The following UNC5D variants were observed in gnomAD, a reference collection of about 807,000 sequenced individuals.
The protein encoded by UNC5D is netrin receptor UNC5D.
A neutral mutation model predicts 105.4 loss-of-function variants in UNC5D; 39 were observed. The ratio of observed to expected loss-of-function variants is 0.37; its 90% CI spans 0.29 to 0.48. The LOEUF (loss-of-function observed/expected upper bound fraction) is 0.48, where lower values mean the gene tolerates loss of function less well. Ranked by LOEUF, UNC5D falls within the 20% of genes least tolerant of loss-of-function variation. The probability of loss-of-function intolerance (pLI) is 0.98; values close to 1 mark genes in which losing one functional copy is unlikely to be tolerated. For missense variants in UNC5D, 991 were observed against 1,202.4 expected (o/e 0.82, Z 2.60); for synonymous variants, 452 against 450.4 (o/e 1.00, Z -0.04).
intron 1 of UNC5D, among the ~76,000 whole-genome samples, chr8:35,527,758 G>T (rs760463961): frequency 4.6e-5 from 7 of 151,984 alleles, no homozygotes; most frequent in Non-Finnish European, 7.4e-5. Flanking sequence ...GGCCAGACTG[G>T]TCTCAAACTC....
At chr8:35,605,029 C>T (rs1372521878) in intron 4 of UNC5D, among the ~76,000 whole-genome samples, 6 of 152,122 alleles carry the variant, frequency 3.9e-5, no homozygotes. Context: ...CTTCTGAGGC[C>T]TTCCTCTCTC....
intron 16 of UNC5D, 48 bp downstream of exon 16, chr8:35,774,525 A>T: frequency 6.2e-7 from 1 of 1,601,718 alleles, no homozygotes; most frequent in South Asian, 1.1e-5. Context: ...GAGAACTTGG[A>T]AACATAAAGT....
At position 35,731,053 on chromosome 8, in the gene UNC5D, A is replaced by G; in HGVS notation, c.1723A>G (p.Asn575Asp). Reference sequence around the variant, plus strand: ...ACCACACGGTGCCATCCCAGAGGAGAATTCTTGGGAGATTTATATGTCCAT... The same window carrying G: ...ACCACACGGTGCCATCCCAGAGGAGGATTCTTGGGAGATTTATATGTCCAT... ...LIPHGAIPEE[N>D]SWEIYMSINQ... Residue 575 changes from asparagine to aspartate, a missense_variant, in exon 11 of 17, where the codon AAT (asparagine) becomes GAT (aspartate). Asn to Asp is a conservative substitution (Grantham distance 23, BLOSUM62 1). Coordinates refer to ENST00000404895, the MANE Select transcript of UNC5D (RefSeq NM_080872.4). 1 of 1,613,880 alleles carries G rather than the reference A, an allele frequency of 6.2e-7. No homozygotes were observed. Among genetic ancestry groups the G allele is most frequent in the Non-Finnish European group, 8.5e-7 (1 of 1,179,872 alleles).
intron 15 of UNC5D, among the ~76,000 whole-genome samples, chr8:35,767,307 G>T (rs1801818413): frequency 6.6e-6 from 1 of 152,162 alleles, no homozygotes; most frequent in Non-Finnish European, 1.5e-5. Flanking sequence ...CACCTCTGGG[G>T]AAGGAACTGG....
intron 1 of UNC5D, among the ~76,000 whole-genome samples, chr8:35,545,097 C>T (rs958309212): frequency 2.0e-5 from 3 of 152,062 alleles, no homozygotes; most frequent in Non-Finnish European, 2.9e-5. Flanking sequence ...ATTTGTCCTA[C>T]CAGAATTTAA....
chr8:35,606,669 G>C (rs1463803211), intron 4 of UNC5D, among the ~76,000 whole-genome samples: 1 of 152,042 alleles, frequency 6.6e-6, no homozygotes, highest in Admixed American at 6.6e-5. Flanking sequence ...CACCCCCACT[G>C]CTTGTTGAAG....
intron 1 of UNC5D, among the ~76,000 whole-genome samples, chr8:35,470,397 G>C (rs1196136135): frequency 6.6e-6 from 1 of 151,982 alleles, no homozygotes; most frequent in Non-Finnish European, 1.5e-5. Context: ...ATTGGCCATG[G>C]ATCCTGATAT....
chr8:35,356,739 G>T (rs1025597233), intron 1 of UNC5D, among the ~76,000 whole-genome samples: 2 of 151,188 alleles, frequency 1.3e-5, no homozygotes, highest in Non-Finnish European at 1.5e-5. Flanking sequence ...GACTATTTTT[G>T]CACTTTCAGG....
At chr8:35,386,333 A>T (rs1803395375) in intron 1 of UNC5D, among the ~76,000 whole-genome samples, 1 of 152,226 alleles carries the variant, frequency 6.6e-6, no homozygotes, top group Admixed American at 6.5e-5. Flanking sequence ...CTTTCTATAG[A>T]CATGTACACA....
intron 4 of UNC5D, among the ~76,000 whole-genome samples, chr8:35,639,039 T>A (rs144024652): frequency 7.2e-5 from 11 of 152,312 alleles, no homozygotes; most frequent in Non-Finnish European, 1.6e-4. Context: ...GTTAAGTATA[T>A]CTTTCCCACA....
chr8:35,425,309 G>A (rs1245921713), intron 1 of UNC5D, among the ~76,000 whole-genome samples: 2 of 152,176 alleles, frequency 1.3e-5, no homozygotes, highest in Non-Finnish European at 2.9e-5. Flanking sequence ...ACTTGGCGTA[G>A]AAACCAAGTC....
At chr8:35,350,146 C>T (rs1158285882) in intron 1 of UNC5D, among the ~76,000 whole-genome samples, 1 of 151,924 alleles carries the variant, frequency 6.6e-6, no homozygotes, top group African/African-American at 2.4e-5. Flanking sequence ...GAATAATTGC[C>T]TTCAAAGCTT....
intron 2 of UNC5D, among the ~76,000 whole-genome samples, chr8:35,549,780 G>A (rs1032796605): frequency 1.3e-5 from 2 of 152,050 alleles, no homozygotes; most frequent in African/African-American, 4.8e-5. Flanking sequence ...TATTATCACT[G>A]GAAATAAACC....
intron 4 of UNC5D, among the ~76,000 whole-genome samples, chr8:35,615,273 T>C (rs1215307876): frequency 1.3e-5 from 2 of 152,110 alleles, no homozygotes; most frequent in Non-Finnish European, 2.9e-5. Context: ...CCTCTTTTCT[T>C]TGTGCCTGTC....
intron 1 of UNC5D, among the ~76,000 whole-genome samples, chr8:35,366,305 C>T (rs965668767): frequency 6.6e-6 from 1 of 151,978 alleles, no homozygotes; most frequent in Non-Finnish European, 1.5e-5. Context: ...TCCATGTGCC[C>T]CAGTATCCCA....
chr8:35,393,417 G>A (rs1258969104), intron 1 of UNC5D, among the ~76,000 whole-genome samples: 2 of 151,906 alleles, frequency 1.3e-5, no homozygotes, highest in Admixed American at 1.3e-4. Flanking sequence ...ACAGGCATGA[G>A]CCACCGCGCC....
intron 1 of UNC5D, among the ~76,000 whole-genome samples, chr8:35,460,655 A>G (rs999306883): frequency 2.0e-5 from 3 of 152,244 alleles, no homozygotes; most frequent in African/African-American, 7.2e-5. Context: ...TGTTTAGAGC[A>G]TGATGCAGAG....
intron 1 of UNC5D, among the ~76,000 whole-genome samples, chr8:35,393,295 G>A (rs964776160): frequency 7.3e-5 from 11 of 151,290 alleles, no homozygotes; most frequent in African/African-American, 2.4e-4. Context: ...CACCTCGCCC[G>A]GCTAATTTTT....
intron 1 of UNC5D, among the ~76,000 whole-genome samples, chr8:35,467,935 A>G (rs909258731): frequency 4.6e-5 from 7 of 152,204 alleles, no homozygotes; most frequent in Admixed American, 6.5e-5. Context: ...CAAATCTAAA[A>G]TTCTGTGATC....
Sources: gnomAD v4.1 joint callset for allele counts (sites outside exome capture counted in the v4.1 genomes callset) on GRCh38, gnomAD v4.1.1 for gene constraint, MANE v1.5 for transcripts, NCBI Gene and HGNC (gene_info 2026-07-23, HGNC 2026-07-21) for gene names.